COMMD10: variants seen among roughly 807,000 people sequenced by gnomAD.
The protein encoded by COMMD10 is COMM domain containing 10, also known as COMM domain-containing protein 10.
A neutral mutation model predicts 28.9 loss-of-function variants in COMMD10; 33 were observed. The observed-to-expected ratio is 1.14, with a 90% confidence interval of 0.87 to 1.53. The LOEUF is 1.53. COMMD10 is among the 40% of genes most tolerant of loss of function. The pLI is 0.00. For synonymous variants in COMMD10, 110 were observed against 81.7 expected, an observed-to-expected ratio of 1.35 and a Z score of -1.87; for missense variants, 310 against 233.4, an observed-to-expected ratio of 1.33 and a Z score of -2.14.
At chr5:116,101,558 C>G (rs1202807536) in intron 4 of COMMD10, among the ~76,000 whole-genome samples, 1 of 152,108 alleles carries the variant, frequency 6.6e-6, no homozygotes, top group African/African-American at 2.4e-5. Flanking sequence ...TCCTGAGTAG[C>G]TGGGATTACA....
chr5:116,153,293 A>G (rs1752597871), intron 5 of COMMD10, among the ~76,000 whole-genome samples: 1 of 48,398 alleles, frequency 2.1e-5, no homozygotes, highest in African/African-American at 8.6e-5. Context: ...TCAAGAGGTA[A>G]GTGTGGGTCA....
rs538051383 is a variant in COMMD10 at position 116,150,618 on chromosome 5, A to G, written c.510+16440A>G. On this transcript the variant is annotated intron_variant, in intron 5 of 6. Coordinates refer to ENST00000274458, the MANE Select transcript of COMMD10 (RefSeq NM_016144.4). ...CTAGGTATTTTATTCTCTTTGAAGC[A>G]ATTGTGAATGGGAGTTCACTCATGA... Among the ~76,000 whole-genome samples, 55 of 140,954 alleles carry G rather than the reference A, an allele frequency of 3.9e-4. 1 individual carries two copies. The highest frequency in any genetic ancestry group is 1.5e-3 in the African/African-American group (52 of 35,108). The allele number at this position is 140,954 out of a possible 152,430, so 92.5% of individuals were successfully genotyped here.
intron 5 of COMMD10, among the ~76,000 whole-genome samples, chr5:116,205,158 A>T (rs966436106): frequency 3.3e-5 from 5 of 152,164 alleles, no homozygotes; most frequent in Non-Finnish European, 7.4e-5. Context: ...AATAAATATA[A>T]ATTTTAAATT....
chr5:116,276,088 C>T (rs1750903940), intron 5 of COMMD10, among the ~76,000 whole-genome samples: 1 of 150,900 alleles, frequency 6.6e-6, no homozygotes, highest in African/African-American at 2.5e-5. Flanking sequence ...AAGCAAGCAG[C>T]AGGTGGATAG....
intron 5 of COMMD10, among the ~76,000 whole-genome samples, chr5:116,166,751 G>T (rs750297019): frequency 6.6e-6 from 1 of 152,190 alleles, no homozygotes; most frequent in Non-Finnish European, 1.5e-5. Flanking sequence ...CAGCAGAGGG[G>T]CCTGACTGTT....
intron 5 of COMMD10, among the ~76,000 whole-genome samples, chr5:116,255,199 C>T (rs6893543): frequency 0.083 from 12,605 of 151,550 alleles, 1,236 homozygotes; most frequent in African/African-American, 0.22. Flanking sequence ...TGTCTCTGCC[C>T]GTGAGATGGG....
intron 5 of COMMD10, among the ~76,000 whole-genome samples, chr5:116,153,340 CATAATATTATATAAAA>C (rs1752599590): frequency 6.6e-6 from 1 of 151,864 alleles, no homozygotes; most frequent in Non-Finnish European, 1.5e-5. Context: ...CTGATTTCTT[CATAATATTATATAAAA>C]TTTGTGAGTG....
At chr5:116,183,175 C>A (rs1748028947) in intron 5 of COMMD10, among the ~76,000 whole-genome samples, 1 of 151,912 alleles carries the variant, frequency 6.6e-6, no homozygotes, top group African/African-American at 2.4e-5. Context: ...CACCAGAGAA[C>A]CTAGAAATAA....
intron 5 of COMMD10, among the ~76,000 whole-genome samples, chr5:116,231,747 T>C (rs6872739): frequency 0.59 from 90,080 of 151,934 alleles, 30,869 homozygotes; most frequent in South Asian, 0.77. Flanking sequence ...ATTTTAACTT[T>C]TATATGACTG....
chr5:116,173,856 T>G (rs541115490), intron 5 of COMMD10, among the ~76,000 whole-genome samples: 1 of 151,388 alleles, frequency 6.6e-6, no homozygotes, highest in South Asian at 2.1e-4. Flanking sequence ...TTTGTTTTTT[T>G]TTTTTTGGAA....
chr5:116,108,377 G>C (rs1750914937), intron 4 of COMMD10, among the ~76,000 whole-genome samples: 2 of 152,198 alleles, frequency 1.3e-5, no homozygotes, highest in Admixed American at 6.5e-5. Flanking sequence ...CCTGCCCAGA[G>C]AGGAGGAATC....
In COMMD10 at chr5:116,151,111, GATA is replaced by G. The variant is rs1411161522; in HGVS notation, c.510+16936_510+16938del. Among the ~76,000 whole-genome samples, 10 of 152,010 alleles carry G rather than the reference GATA, an allele frequency of 6.6e-5. No individual in the cohort carries two copies. The East Asian group carries it at 1.7e-3, about 26-fold the overall frequency. On this transcript the variant is annotated intron_variant, in intron 5 of 6. Coordinates refer to ENST00000274458, the MANE Select transcript of COMMD10 (RefSeq NM_016144.4). Reference sequence around the variant, plus strand: ...CAAAGGCCTTTTCTGCATCTATTGAGATAATCATGTGGTTTTTGTTTTTGCTTC... The same window carrying G: ...CAAAGGCCTTTTCTGCATCTATTGAGATCATGTGGTTTTTGTTTTTGCTTC...
intron 5 of COMMD10, among the ~76,000 whole-genome samples, chr5:116,268,057 A>G (rs13165865): frequency 0.016 from 2,442 of 151,992 alleles, 35 homozygotes; most frequent in Middle Eastern, 0.031. Context: ...TTCATGTCTA[A>G]AACACCAAAA....
chr5:116,280,910 T>C (rs1171996351), intron 5 of COMMD10, among the ~76,000 whole-genome samples: 1 of 151,880 alleles, frequency 6.6e-6, no homozygotes, highest in Non-Finnish European at 1.5e-5. Context: ...ATTATTTACA[T>C]TTTATCTCTG....
intron 5 of COMMD10, among the ~76,000 whole-genome samples, chr5:116,288,361 G>T (rs1751276052): frequency 6.6e-6 from 1 of 151,628 alleles, no homozygotes; most frequent in African/African-American, 2.4e-5. Flanking sequence ...CTTTTCTCTT[G>T]CTGCTCTTAA....
intron 5 of COMMD10, among the ~76,000 whole-genome samples, chr5:116,252,075 G>A (rs950601045): frequency 4.7e-5 from 7 of 149,842 alleles, no homozygotes; most frequent in African/African-American, 1.0e-4. Flanking sequence ...TTTCATGTGT[G>A]TTTTGGCTGC....
intron 5 of COMMD10, among the ~76,000 whole-genome samples, chr5:116,220,461 G>C (rs1335059840): frequency 6.6e-6 from 1 of 151,820 alleles, no homozygotes; most frequent in African/African-American, 2.4e-5. Context: ...GAACATCGTA[G>C]ATAATAAACT....
intron 5 of COMMD10, among the ~76,000 whole-genome samples, chr5:116,256,522 AG>A (rs1750290374): frequency 6.6e-6 from 1 of 151,750 alleles, no homozygotes; most frequent in Non-Finnish European, 1.5e-5. Flanking sequence ...TTATGTTTAA[AG>A]AAATCAAGGA....
chr5:116,149,544 C>T (rs1308711234), intron 5 of COMMD10, among the ~76,000 whole-genome samples: 1 of 143,456 alleles, frequency 7.0e-6, no homozygotes, highest in Non-Finnish European at 1.5e-5. Flanking sequence ...TAATGATTGC[C>T]ATTCTAACCG....
Sources: gnomAD v4.1 joint callset for allele counts (sites outside exome capture counted in the v4.1 genomes callset) on GRCh38, gnomAD v4.1.1 for gene constraint, MANE v1.5 for transcripts, NCBI Gene and HGNC (gene_info 2026-07-23, HGNC 2026-07-21) for gene names.